ACTL6B: variants seen among roughly 807,000 people sequenced by gnomAD.
The protein encoded by ACTL6B is actin like 6B, also known as actin-like protein 6B.
ACTL6B carries 48 observed loss-of-function variants against 63.3 expected under a neutral mutation model. The observed-to-expected ratio is 0.76, with a 90% CI of 0.60 to 0.96. The LOEUF (loss-of-function observed/expected upper bound fraction) is 0.96, where lower values mean the gene tolerates loss of function less well. Ranked by LOEUF, ACTL6B falls within the 50% of genes least tolerant of loss-of-function variation. The probability of loss-of-function intolerance (pLI) is 0.00; values close to 1 mark genes in which losing one functional copy is unlikely to be tolerated. For synonymous variants in ACTL6B, 230 were observed against 223.8 expected, an observed-to-expected ratio of 1.03 and a Z score of -0.25; for missense variants, 350 against 572.2, an observed-to-expected ratio of 0.61 and a Z score of 3.96.
At position 100,654,928 on chromosome 7, in the gene ACTL6B, A is replaced by C. The variant is rs551079902; in HGVS notation, c.369+91T>G. On this transcript the variant is annotated intron_variant, in intron 4 of 13. Coordinates refer to ENST00000160382, the MANE Select transcript of ACTL6B (RefSeq NM_016188.5). ...AAAGGGAAGGGAAGTGGCTCAGAGC[A>C]GTGGCTTGAGGGGAGAGGAGGAGAG... The C allele has an allele frequency of 6.2e-5, 67 of 1,078,866 alleles. 1 individual carries two copies. The South Asian group carries it at 8.9e-4, about 14-fold the overall frequency. The allele number at this position is 1,078,866 out of a possible 1,614,324, so 66.8% of individuals were successfully genotyped here.
chr7:100,644,180 G>C (rs759442778), intron 13 of ACTL6B, among the ~76,000 whole-genome samples: 1 of 152,186 alleles, frequency 6.6e-6, no homozygotes, highest in Non-Finnish European at 1.5e-5. Context: ...GATTACAAGC[G>C]TGAGCCACCG....
intron 5 of ACTL6B, among the ~76,000 whole-genome samples, chr7:100,649,260 G>A (rs1380489121): frequency 3.3e-5 from 5 of 151,428 alleles, no homozygotes; most frequent in East Asian, 3.9e-4. Flanking sequence ...CCAAAGTGCC[G>A]GGATTACAGG....
At position 100,655,866 on chromosome 7, in the gene ACTL6B, C is replaced by T. The variant is rs1804030631; in HGVS notation, c.39G>A (p.Ala13=). The T allele has an allele frequency of 7.0e-6, 11 of 1,571,540 alleles. No homozygotes were observed. The highest frequency in any genetic ancestry group is 1.4e-5 in the African/African-American group (1 of 73,656). Residue 13 remains alanine, a synonymous_variant, in exon 2 of 14, where the codon GCG becomes GCA. Transcript: ENST00000160382. The surrounding 1 kb of genome is among the most constrained non-coding windows in gnomAD (Gnocchi z 4.4). ...AGAAGGAGCCAATGTCAAAGACCAG[C>T]GCCCCCACCTCATCTGTGCGGGGAG... is the stretch of plus-strand genomic sequence containing the variant. ...GGVYGGDEVG[A]LVFDIGSFSV... is the part of the protein sequence containing the mutation.
In ACTL6B at chr7:100,647,208, C is replaced by T. The variant is rs1306013106; in HGVS notation, c.821+15G>A. 6.2e-7 allele frequency: 1 copy of T among 1,613,606 alleles called. No individual in the cohort carries two copies. On this transcript the variant is annotated intron_variant, in intron 9 of 13. Transcript: ENST00000160382. This position sits in a 1 kb window ranked among gnomAD's most constrained non-coding sequence, Gnocchi z 4.4. ...CTGCCCTCTCTCCCACCCCAAAGCCCTGAGCCACACTCACTGTTCATCGTA... is the reference window on the plus strand; with the variant it reads ...CTGCCCTCTCTCCCACCCCAAAGCCTTGAGCCACACTCACTGTTCATCGTA...
In ACTL6B at chr7:100,648,432, G is replaced by A; in HGVS notation, c.669+124C>T. The A allele has an allele frequency of 3.7e-6, 3 of 814,156 alleles. No homozygotes were observed. The highest frequency in any genetic ancestry group is 1.9e-6 in the Non-Finnish European group (1 of 535,996). The allele number at this position is 814,156 out of a possible 1,614,324, so 50.4% of individuals were successfully genotyped here. A position where few individuals can be genotyped will look rare whatever the true frequency, so the allele number is the denominator to read the frequency against. On this transcript the variant is annotated intron_variant, in intron 7 of 13. Coordinates refer to ENST00000160382, the MANE Select transcript of ACTL6B (RefSeq NM_016188.5). The surrounding 1 kb of genome is among the most constrained non-coding windows in gnomAD (Gnocchi z 4.4). ...TGCCTCGATTATAAAAGGAGGAACT[G>A]GAGCCAGGACCCACTGGGGAGCCTG... is the stretch of plus-strand genomic sequence containing the variant.
chr7:100,650,195 C>G, intron 4 of ACTL6B, 60 bp from the exon 5 acceptor site: 1 of 1,456,726 alleles, frequency 6.9e-7, no homozygotes, highest in South Asian at 1.2e-5. Context: ...CCCACATCCA[C>G]GCACACGCAA....
intron 1 of ACTL6B, 79 bp downstream of exon 1, chr7:100,656,251 C>CG: frequency 7.5e-7 from 1 of 1,342,110 alleles, no homozygotes; most frequent in South Asian, 1.8e-5. Flanking sequence ...TGACAGGCCC[C>CG]GGGGTGCCCA....
Position 100,650,017 on chromosome 7 carries a change from G to C in ACTL6B, c.467+21C>G, listed in dbSNP as rs2293770. 44 of 1,610,148 alleles carry C rather than the reference G, an allele frequency of 2.7e-5. No homozygotes were observed. In the East Asian group the frequency reaches 9.6e-4, roughly 35 times the overall value. ...CACCCCAGCCCTCCACCCAGTCAGA[G>C]CAGCTCAGTCCAGAGGATACGCGGT... On this transcript the variant is annotated intron_variant, in intron 5 of 13. Transcript: ENST00000160382.
At chr7:100,656,241 T>A in intron 1 of ACTL6B, 89 bp downstream of exon 1, 1 of 1,315,728 alleles carries the variant, frequency 7.6e-7, no homozygotes. Context: ...TGCGCGGAGG[T>A]GACAGGCCCC....
chr7:100,654,632 A>G (rs1804003553), intron 4 of ACTL6B, among the ~76,000 whole-genome samples: 1 of 151,666 alleles, frequency 6.6e-6, no homozygotes, highest in African/African-American at 2.4e-5. Context: ...AATACAAAAA[A>G]TTAGCCAGGC....
Position 100,646,275 on chromosome 7 carries a change from T to C in ACTL6B, c.1174A>G (p.Ile392Val). ...STMERKFSPW[I>V]GGSILASLGT... ...AGTGAGGCCAGGATGGAACCCCCGA[T>C]CCAGGGGCTGAACTTGCGCTCCATG... The change falls in exon 13 of 14, where the codon ATC becomes GTC. Residue 392 changes from isoleucine to valine, a missense_variant. By Grantham distance (29) the Ile-to-Val change is conservative (BLOSUM62 3). Around this residue, in one of 3 missense-constraint regions of ACTL6B, gnomAD observed 76 missense variants for 126.1 expected, o/e 0.60. Coordinates refer to ENST00000160382, the MANE Select transcript of ACTL6B (RefSeq NM_016188.5). This position sits in a 1 kb window ranked among gnomAD's most constrained non-coding sequence, Gnocchi z 6.1. 6.2e-7 allele frequency: 1 copy of C among 1,614,150 alleles called. No homozygotes were observed. The highest frequency in any genetic ancestry group is 8.5e-7 in the Non-Finnish European group (1 of 1,180,026).
Position 100,655,920 on chromosome 7 carries a change from C to G in ACTL6B, c.26-41G>C. 6.5e-7 allele frequency: 1 copy of G among 1,537,300 alleles called. No individual in the cohort carries two copies. Among genetic ancestry groups the G allele is most frequent in the Non-Finnish European group, 8.8e-7 (1 of 1,138,400 alleles). On this transcript the variant is annotated intron_variant, in intron 1 of 13. Coordinates refer to ENST00000160382, the MANE Select transcript of ACTL6B (RefSeq NM_016188.5). The surrounding 1 kb of genome is among the most constrained non-coding windows in gnomAD (Gnocchi z 4.4). ...GGCCTGTAAGGGGACCTCCCCCGAA[C>G]TCTCTCCCGCTAGGTAGCTCCGAGA...
rs1803876042 is a variant in ACTL6B at position 100,648,889 on chromosome 7, T to C, written c.468-66A>G. Reference sequence around the variant, plus strand: ...GTGAGGGGCCTGGGCCCAGATCTTGTCTGGTCACTCTCTGCTCTACCGGGG... The same window carrying C: ...GTGAGGGGCCTGGGCCCAGATCTTGCCTGGTCACTCTCTGCTCTACCGGGG... On this transcript the variant is annotated intron_variant, in intron 5 of 13. Transcript: ENST00000160382. The surrounding 1 kb of genome is among the most constrained non-coding windows in gnomAD (Gnocchi z 4.4). 2.0e-6 allele frequency: 3 copies of C among 1,487,100 alleles called. No individual in the cohort carries two copies. 92.1% of individuals were successfully genotyped at this position (1,487,100 alleles called of 1,614,324 possible). A position where few individuals can be genotyped will look rare whatever the true frequency, so the allele number is the denominator to read the frequency against.
chr7:100,646,470 T>G lies in ACTL6B; in HGVS notation c.1113+81A>C. The G allele has an allele frequency of 6.4e-7, 1 of 1,554,122 alleles. No homozygotes were observed. Among genetic ancestry groups the G allele is most frequent in the Non-Finnish European group, 8.9e-7 (1 of 1,127,186 alleles). ...GGTGGCCAGAACAGAAGGAAGGACA[T>G]GGGAAGGATGAAGGGACTCAGTCCT... On this transcript the variant is annotated intron_variant, in intron 12 of 13. Coordinates refer to ENST00000160382, the MANE Select transcript of ACTL6B (RefSeq NM_016188.5). The surrounding 1 kb of genome is among the most constrained non-coding windows in gnomAD (Gnocchi z 6.1).
intron 13 of ACTL6B, among the ~76,000 whole-genome samples, chr7:100,644,848 G>A (rs1224127426): frequency 2.0e-5 from 3 of 152,116 alleles, no homozygotes; most frequent in Admixed American, 2.0e-4. Context: ...TTGAGGTCAG[G>A]AGTTTGAGAC....
intron 1 of ACTL6B, 111 bp downstream of exon 1, chr7:100,656,219 T>A: frequency 1.6e-6 from 2 of 1,255,002 alleles, no homozygotes; most frequent in Non-Finnish European, 2.1e-6. Flanking sequence ...AGCCTGAGAC[T>A]CGACCCGCTC....
chr7:100,653,342 T>G (rs1385680888), intron 4 of ACTL6B, among the ~76,000 whole-genome samples: 1 of 152,112 alleles, frequency 6.6e-6, no homozygotes, highest in Non-Finnish European at 1.5e-5. Context: ...GAATACTGAT[T>G]TCTTTTAAAG....
rs761058540 is a variant in ACTL6B at position 100,656,392 on chromosome 7, C to T, written c.-38G>A. On this transcript the variant is annotated 5_prime_UTR_variant, in exon 1 of 14. Transcript: ENST00000160382. ...GCTGCTAGCGGCCCGTGGGCGGTGG[C>T]GGGATCAGCACCGAGGCGGCCGGAC... 2.1e-5 allele frequency: 27 copies of T among 1,309,094 alleles called. No homozygotes were observed. The East Asian group carries it at 4.7e-4, about 23-fold the overall frequency. The allele number at this position is 1,309,094 out of a possible 1,614,324, so 81.1% of individuals were successfully genotyped here. A position where few individuals can be genotyped will look rare whatever the true frequency, so the allele number is the denominator to read the frequency against.
Position 100,647,804 on chromosome 7 carries a change from G to C in ACTL6B, c.670-271C>G. The stretch of plus-strand genomic sequence containing the variant: ...GAACCTCAAGGGAATGGCCTCCTAG[G>C]GGGTCATGATCCATGTGAGGGCACG... On this transcript the variant is annotated intron_variant, in intron 7 of 13. Transcript: ENST00000160382. This position sits in a 1 kb window ranked among gnomAD's most constrained non-coding sequence, Gnocchi z 4.4. 2.2e-6 allele frequency: 1 copy of C among 455,010 alleles called. No individual in the cohort carries two copies. Among genetic ancestry groups the C allele is most frequent in the Non-Finnish European group, 3.9e-6 (1 of 255,808 alleles). 28.2% of individuals were successfully genotyped at this position (455,010 alleles called of 1,614,324 possible). A position where few individuals can be genotyped will look rare whatever the true frequency, so the allele number is the denominator to read the frequency against.
Sources: allele counts gnomAD v4.1 joint callset (sites outside exome capture counted in the v4.1 genomes callset), GRCh38; gene constraint gnomAD v4.1.1; regional missense constraint gnomAD v4.1.1; non-coding constraint Gnocchi (gnomAD v3.1); transcripts MANE v1.5; gene names NCBI Gene and HGNC (gene_info 2026-07-23, HGNC 2026-07-21).